Variants in DNAJC10 observed in about 807,000 individuals in gnomAD.
DNAJC10 encodes DnaJ heat shock protein family (Hsp40) member C10, also known as endoplasmic reticulum disulfide reductase DNAJC10.
Under a neutral mutation model 115.0 loss-of-function variants are expected in DNAJC10, and 101 were observed. That is an observed-to-expected ratio of 0.88 (90% CI 0.75 to 1.04). The LOEUF (loss-of-function observed/expected upper bound fraction) is 1.04, where lower values mean the gene tolerates loss of function less well. Among genes scored for constraint, DNAJC10 ranks in the 50% least tolerant of loss-of-function variants. The pLI, the probability that DNAJC10 is intolerant of heterozygous loss-of-function variation, is 0.00. For missense variants in DNAJC10, 981 were observed against 928.8 expected (o/e 1.06, Z -0.73); for synonymous variants, 307 against 301.5 (o/e 1.02, Z -0.19).
chr2:182,779,199 A>G lies in DNAJC10; in HGVS notation c.*2067A>G, dbSNP rs1205690594. On this transcript the variant is annotated 3_prime_UTR_variant, in exon 24 of 24. Transcript: ENST00000264065. ...TAAGAAACACGTATCATAAAGTGACATACATCAAGGTTATCTTATATAGTC... is the reference window on the plus strand; with the variant it reads ...TAAGAAACACGTATCATAAAGTGACGTACATCAAGGTTATCTTATATAGTC... The G allele has an allele frequency of 1.3e-5, 2 of 152,178 alleles. No homozygotes were observed. Among genetic ancestry groups the G allele is most frequent in the Non-Finnish European group, 2.9e-5 (2 of 68,024 alleles). The allele number at this position is 152,178 out of a possible 1,614,324, so 9.4% of individuals were successfully genotyped here. A position where few individuals can be genotyped will look rare whatever the true frequency, so the allele number is the denominator to read the frequency against.
At chr2:182,721,335 G>A (rs1024016430) in intron 4 of DNAJC10, among the ~76,000 whole-genome samples, 1 of 151,938 alleles carries the variant, frequency 6.6e-6, no homozygotes, top group East Asian at 1.9e-4. Flanking sequence ...CTTGCCATTT[G>A]CTTTTATAAA....
rs1448569809 is a variant in DNAJC10, at chr2:182,716,310, G to C, written c.-377G>C. ...AGGAACCTACCGGTACCGGCCGCGC[G>C]CTGGTAGTCGCCGGTGTGGCTGCAC... On this transcript the variant is annotated 5_prime_UTR_variant, in exon 1 of 24. Transcript: ENST00000264065. 1 of 152,464 alleles carries C rather than the reference G, an allele frequency of 6.6e-6. No individual in the cohort carries two copies. The highest frequency in any genetic ancestry group is 1.9e-4 in the East Asian group (1 of 5,170). 9.4% of individuals were successfully genotyped at this position (152,464 alleles called of 1,614,324 possible).
chr2:182,782,606 T>C lies in DNAJC10; in HGVS notation c.*5474T>C, dbSNP rs752781564. ...CCTCTCTCATTTCCTTGAGCAGTGG[T>C]TTGTAGTTCTTGAAGAGGTCCTTCA... On this transcript the variant is annotated 3_prime_UTR_variant, in exon 24 of 24. Coordinates refer to ENST00000264065, the MANE Select transcript of DNAJC10 (RefSeq NM_018981.4). 6 of 152,124 alleles carry C rather than the reference T, an allele frequency of 3.9e-5. No homozygotes were observed. Among genetic ancestry groups the C allele is most frequent in the Non-Finnish European group, 5.9e-5 (4 of 68,006 alleles). The allele number at this position is 152,124 out of a possible 1,614,324, so 9.4% of individuals were successfully genotyped here.
Position 182,775,350 on chromosome 2 carries a change from A to G in DNAJC10, c.2300A>G (p.Asp767Gly), listed in dbSNP as rs776465904. 1 of 1,612,910 alleles carries G rather than the reference A, an allele frequency of 6.2e-7. No individual in the cohort carries two copies. The highest frequency in any genetic ancestry group is 2.2e-5 in the East Asian group (1 of 44,708). ...CAAGAAGAGCAGATAAATACCAGAG[A>G]TGCAAAAGCAATCGCTGCCTTAATA... ...NFQEEQINTRDAKAIAALISE... is the reference protein window; with the variant it reads ...NFQEEQINTRGAKAIAALISE... The change falls in exon 23 of 24, where the codon GAT becomes GGT. Residue 767 changes from aspartate (D) to glycine (G), a missense_variant. By Grantham distance (94) the Asp-to-Gly change is moderately conservative. Coordinates refer to ENST00000264065, the MANE Select transcript of DNAJC10 (RefSeq NM_018981.4).
intron 3 of DNAJC10, among the ~76,000 whole-genome samples, chr2:182,718,906 G>A (rs995600832): frequency 1.3e-5 from 2 of 151,988 alleles, no homozygotes; most frequent in Non-Finnish European, 1.5e-5. Flanking sequence ...GTGAGATTTA[G>A]CGTTCATCAT....
chr2:182,739,764 A>G (rs745431331), intron 11 of DNAJC10: 170 of 998,548 alleles, frequency 1.7e-4, no homozygotes, highest in Non-Finnish European at 1.9e-4. Context: ...TTAGATGAAA[A>G]CCTCTATAAT....
intron 10 of DNAJC10, among the ~76,000 whole-genome samples, chr2:182,734,852 C>T (rs1298678089): frequency 6.6e-6 from 1 of 151,646 alleles, no homozygotes; most frequent in Non-Finnish European, 1.5e-5. Context: ...CCAAGTCTAC[C>T]TTGACTGATA....
In DNAJC10 at chr2:182,781,469, G is replaced by T. The variant is rs1694844804; in HGVS notation, c.*4337G>T. 1 of 151,910 alleles carries T rather than the reference G, an allele frequency of 6.6e-6. No homozygotes were observed. The highest frequency in any genetic ancestry group is 6.6e-5 in the Admixed American group (1 of 15,254). 9.4% of individuals were successfully genotyped at this position (151,910 alleles called of 1,614,324 possible). A position where few individuals can be genotyped will look rare whatever the true frequency, so the allele number is the denominator to read the frequency against. On this transcript the variant is annotated 3_prime_UTR_variant, in exon 24 of 24. Transcript: ENST00000264065. ...AGTAAAATTATTTATAATCCTTTAG[G>T]TATATACCCAGTAACGGGATTGCTG...
chr2:182,748,857 C>G (rs1259772406), intron 14 of DNAJC10, among the ~76,000 whole-genome samples: 1 of 151,862 alleles, frequency 6.6e-6, no homozygotes, highest in East Asian at 1.9e-4. Context: ...TATGTTGTGT[C>G]TTTGTTCTCG....
At chr2:182,763,745 G>A (rs1312587758) in intron 22 of DNAJC10, among the ~76,000 whole-genome samples, 1 of 152,076 alleles carries the variant, frequency 6.6e-6, no homozygotes, top group African/African-American at 2.4e-5. Flanking sequence ...ATGCTCCCCC[G>A]ATGTCTCCCT....
intron 2 of DNAJC10, among the ~76,000 whole-genome samples, chr2:182,717,406 A>G (rs1231593632): frequency 6.6e-6 from 1 of 152,198 alleles, no homozygotes; most frequent in Non-Finnish European, 1.5e-5. Context: ...AACTCCGGGA[A>G]GAAGATCGAC....
chr2:182,743,572 T>C (rs767033786), intron 13 of DNAJC10, 26 bp from the exon 14 acceptor site: 1 of 1,511,038 alleles, frequency 6.6e-7, no homozygotes, highest in Non-Finnish European at 9.2e-7. Flanking sequence ...AGTGTTTTTA[T>C]CAAATTTGAC....
In DNAJC10 at chr2:182,786,698, TCTCC is replaced by T. The variant is rs959281916; in HGVS notation, c.*9574_*9577del. On this transcript the variant is annotated 3_prime_UTR_variant, in exon 24 of 24. Coordinates refer to ENST00000264065, the MANE Select transcript of DNAJC10 (RefSeq NM_018981.4). Reference sequence around the variant, plus strand: ...CCCCATTCTTGCCAAAGCCAAGTTCTCTCCCTCCCTCTCAACAGATTTCTCAGCA... The same window carrying T: ...CCCCATTCTTGCCAAAGCCAAGTTCTCTCCCTCTCAACAGATTTCTCAGCA... 2 of 152,388 alleles carry T rather than the reference TCTCC, an allele frequency of 1.3e-5. No homozygotes were observed. Among genetic ancestry groups the T allele is most frequent in the African/African-American group, 2.4e-5 (1 of 41,582 alleles). 9.4% of individuals were successfully genotyped at this position (152,388 alleles called of 1,614,324 possible). A position where few individuals can be genotyped will look rare whatever the true frequency, so the allele number is the denominator to read the frequency against.
chr2:182,780,580 A>G lies in DNAJC10; in HGVS notation c.*3448A>G, dbSNP rs980141931. The G allele has an allele frequency of 2.6e-5, 4 of 152,168 alleles. No homozygotes were observed. The highest frequency in any genetic ancestry group is 9.6e-5 in the African/African-American group (4 of 41,454). 9.4% of individuals were successfully genotyped at this position (152,168 alleles called of 1,614,324 possible). On this transcript the variant is annotated 3_prime_UTR_variant, in exon 24 of 24. Coordinates refer to ENST00000264065, the MANE Select transcript of DNAJC10 (RefSeq NM_018981.4). ...ATTGCAATGCAAAACAGACTAATAC[A>G]GTTTCTTTTCAGTAAGAATTACAAA... is the stretch of plus-strand genomic sequence containing the variant.
chr2:182,749,279 G>A (rs1363344592), intron 14 of DNAJC10, among the ~76,000 whole-genome samples: 1 of 134,410 alleles, frequency 7.4e-6, no homozygotes, highest in African/African-American at 2.9e-5. Context: ...CATTATTAAT[G>A]TGTGGGAGTC....
intron 7 of DNAJC10, among the ~76,000 whole-genome samples, chr2:182,729,297 C>T (rs1410665325): frequency 5.3e-5 from 8 of 151,978 alleles, no homozygotes; most frequent in African/African-American, 7.3e-5. Flanking sequence ...TACAGGCACC[C>T]GCTCCCATGT....
chr2:182,776,168 A>G (rs568575864), intron 23 of DNAJC10, among the ~76,000 whole-genome samples: 104 of 152,294 alleles, frequency 6.8e-4, no homozygotes, highest in African/African-American at 2.4e-3. Flanking sequence ...GTGGCCATAA[A>G]TTATTTAAAT....
At position 182,792,368 on chromosome 2, in the gene DNAJC10, T is replaced by C. The variant is rs982280531; in HGVS notation, c.*15236T>C. 1 of 152,160 alleles carries C rather than the reference T, an allele frequency of 6.6e-6. No homozygotes were observed. The highest frequency in any genetic ancestry group is 1.5e-5 in the Non-Finnish European group (1 of 68,012). 9.4% of individuals were successfully genotyped at this position (152,160 alleles called of 1,614,324 possible). A position where few individuals can be genotyped will look rare whatever the true frequency, so the allele number is the denominator to read the frequency against. On this transcript the variant is annotated 3_prime_UTR_variant, in exon 24 of 24. Coordinates refer to ENST00000264065, the MANE Select transcript of DNAJC10 (RefSeq NM_018981.4). ...TAACATTTTGAGGTACAAAAAATAATGAAGAGGATATATTCCAATTTCTTT... is the reference window on the plus strand; with the variant it reads ...TAACATTTTGAGGTACAAAAAATAACGAAGAGGATATATTCCAATTTCTTT...
In DNAJC10 at chr2:182,786,603, C is replaced by G. The variant is rs1694950904; in HGVS notation, c.*9471C>G. The G allele has an allele frequency of 6.6e-6, 1 of 152,170 alleles. No individual in the cohort carries two copies. The allele number at this position is 152,170 out of a possible 1,614,324, so 9.4% of individuals were successfully genotyped here. A position where few individuals can be genotyped will look rare whatever the true frequency, so the allele number is the denominator to read the frequency against. On this transcript the variant is annotated 3_prime_UTR_variant, in exon 24 of 24. Coordinates refer to ENST00000264065, the MANE Select transcript of DNAJC10 (RefSeq NM_018981.4). Reference sequence around the variant, plus strand: ...TTCCCAAAGGAATAGACCTAGGTGACCAACCAGCAGCACCTAGCTTTTGCC... The same window carrying G: ...TTCCCAAAGGAATAGACCTAGGTGAGCAACCAGCAGCACCTAGCTTTTGCC...
Sources: allele counts gnomAD v4.1 joint callset (sites outside exome capture counted in the v4.1 genomes callset), GRCh38; gene constraint gnomAD v4.1.1; transcripts MANE v1.5; gene names NCBI Gene and HGNC (gene_info 2026-07-23, HGNC 2026-07-21).